The following UCKL1 variants were observed in gnomAD, a reference collection of about 807,000 sequenced individuals.
The protein encoded by UCKL1 is uridine-cytidine kinase-like 1.
In UCKL1, 65 loss-of-function variants were observed where a neutral mutation model predicts 59.2. The ratio of observed to expected loss-of-function variants is 1.10; its 90% CI spans 0.90 to 1.35. The LOEUF is 1.35. Ranked by LOEUF, UCKL1 falls within the 40% of genes most tolerant of loss-of-function variation. The pLI is 0.00. For synonymous variants in UCKL1, 410 were observed against 323.1 expected (o/e 1.27, Z -2.88); for missense variants, 703 against 784.3 (o/e 0.90, Z 1.24).
chr20:63,941,030 T>C lies in UCKL1; in HGVS notation c.1036A>G (p.Ser346Gly), dbSNP rs1207706064. The change falls in exon 10 of 15, where the codon AGT (serine) becomes GGT (glycine). Residue 346 changes from serine (S) to glycine (G), a missense_variant. By Grantham distance (56) the Ser-to-Gly change is moderately conservative. Transcript: ENST00000354216. ...GAGTAGAAGATGAACTCGTCGCGACTGGTCTCCTTGTCCCTGTGGGGCCAA... is the reference window on the plus strand; with the variant it reads ...GAGTAGAAGATGAACTCGTCGCGACCGGTCTCCTTGTCCCTGTGGGGCCAA... Reference protein sequence around the residue: ...MHTIIRDKETSRDEFIFYSKR... With the variant: ...MHTIIRDKETGRDEFIFYSKR... The C allele has an allele frequency of 9.5e-6, 15 of 1,571,130 alleles. No individual in the cohort carries two copies. The highest frequency in any genetic ancestry group is 1.4e-5 in the African/African-American group (1 of 73,044).
chr20:63,953,277 G>T (rs1319353503), intron 1 of UCKL1: 3 of 152,364 alleles, frequency 2.0e-5, no homozygotes, highest in Non-Finnish European at 4.4e-5. Context: ...TACTTGGGAG[G>T]CTGAGGCAGG....
Position 63,946,290 on chromosome 20 carries a change from T to G in UCKL1, c.305-23A>C, listed in dbSNP as rs770006478. ...AGCCTGCCGGCGGGAGTGGAGACCCTCTGTGAGGAACAGGCAGGCTGCCGG... is the reference window on the plus strand; with the variant it reads ...AGCCTGCCGGCGGGAGTGGAGACCCGCTGTGAGGAACAGGCAGGCTGCCGG... On this transcript the variant is annotated intron_variant, in intron 2 of 14. Coordinates refer to ENST00000354216, the MANE Select transcript of UCKL1 (RefSeq NM_017859.4). The G allele has an allele frequency of 1.9e-6, 3 of 1,568,042 alleles. No individual in the cohort carries two copies. The East Asian group carries it at 7.2e-5, about 37-fold the overall frequency.
At chr20:63,948,482 G>A (rs532476835) in intron 1 of UCKL1, 4 of 150,110 alleles carry the variant, frequency 2.7e-5, no homozygotes, top group Non-Finnish European at 5.9e-5. Context: ...CAAGCTGGAA[G>A]GAGAGATGAT....
chr20:63,942,838 GGA>G, intron 8 of UCKL1: 1 of 414,984 alleles, frequency 2.4e-6, no homozygotes, highest in Non-Finnish European at 5.1e-6. Flanking sequence ...GAACCTGACG[GGA>G]CAAGACCTGC....
rs769082828 is a variant in UCKL1 at position 63,940,070 on chromosome 20, G to A, written c.1568-15C>T. On this transcript the variant is annotated splice_polypyrimidine_tract_variant and intron_variant, in intron 14 of 14. Transcript: ENST00000354216. ...GCCAAAGTTCCCTGGAAAAAGGGGG[G>A]GGGGGGTCCAGTGTGGTGGGGCCTC... 4.3e-6 allele frequency: 7 copies of A among 1,609,668 alleles called. No homozygotes were observed. In the African/African-American group the frequency reaches 5.3e-5, roughly 12 times the overall value.
Position 63,945,617 on chromosome 20 carries a change from ACCAGCGGGGTGGGTATT to A in UCKL1, c.654+17_654+33del. The A allele has an allele frequency of 1.2e-6, 2 of 1,609,384 alleles. No individual in the cohort carries two copies. Among genetic ancestry groups the A allele is most frequent in the Non-Finnish European group, 1.7e-6 (2 of 1,177,246 alleles). On this transcript the variant is annotated intron_variant, in intron 5 of 14. Coordinates refer to ENST00000354216, the MANE Select transcript of UCKL1 (RefSeq NM_017859.4). Reference sequence around the variant, plus strand: ...TGGACAGGGCGGCCAGGGCTGAGATACCAGCGGGGTGGGTATTCCCGGCGGGTGCTTACCTCCAACAG... The same window carrying A: ...TGGACAGGGCGGCCAGGGCTGAGATACCCGGCGGGTGCTTACCTCCAACAG...
rs544531015 is a variant in UCKL1 at position 63,949,677 on chromosome 20, C to A, written c.114-3034G>T. On this transcript the variant is annotated intron_variant, in intron 1 of 14. Transcript: ENST00000354216. ...AGGCCGTGGTGGGCAGAGAACAAATCCAGGCGGCCCCTCCCCTCTATGCCT... is the reference window on the plus strand; with the variant it reads ...AGGCCGTGGTGGGCAGAGAACAAATACAGGCGGCCCCTCCCCTCTATGCCT... Among the ~76,000 whole-genome samples the A allele has an allele frequency of 6.0e-4, 92 of 152,326 alleles. 3 individuals are homozygous for A. The highest frequency in any genetic ancestry group is 5.2e-3 in the Admixed American group (79 of 15,300).
intron 7 of UCKL1, 71 bp from the exon 8 acceptor site, chr20:63,943,740 C>G: frequency 6.2e-7 from 1 of 1,607,076 alleles, no homozygotes; most frequent in Non-Finnish European, 8.5e-7. Flanking sequence ...GGCCAGGCCA[C>G]CCCCACCCAG....
At chr20:63,944,483 G>A in intron 6 of UCKL1, 25 bp from the exon 7 acceptor site, 1 of 1,577,986 alleles carries the variant, frequency 6.3e-7, no homozygotes, top group South Asian at 1.1e-5. Context: ...GGGGGCGGGT[G>A]ACCGGGGGCT....
rs1006744270 is a variant in UCKL1, at chr20:63,945,511, T to C, written c.654+140A>G. On this transcript the variant is annotated intron_variant, in intron 5 of 14. Coordinates refer to ENST00000354216, the MANE Select transcript of UCKL1 (RefSeq NM_017859.4). The stretch of plus-strand genomic sequence containing the variant: ...GACCCAGCTGTGGCATGCCTGGGGT[T>C]GGGGTTGGGGTAGGGAGTGGCTGGC... The C allele has an allele frequency of 5.5e-5, 45 of 817,560 alleles. No individual in the cohort carries two copies. The African/African-American group carries it at 6.9e-4, about 13-fold the overall frequency. 50.6% of individuals were successfully genotyped at this position (817,560 alleles called of 1,614,324 possible). A position where few individuals can be genotyped will look rare whatever the true frequency, so the allele number is the denominator to read the frequency against.
intron 1 of UCKL1, 136 bp downstream of exon 1, chr20:63,956,124 A>C: frequency 1.8e-5 from 15 of 826,634 alleles, no homozygotes; most frequent in East Asian, 7.1e-5. Context: ...GGCACGTGGG[A>C]GAACGGGGCG....
chr20:63,946,492 T>C lies in UCKL1; in HGVS notation c.265A>G (p.Asn89Asp), dbSNP rs896328502. Residue 89 changes from asparagine (N) to aspartate (D), a missense_variant, in exon 2 of 15, where the codon AAT (asparagine) becomes GAT (aspartate). By Grantham distance (23) the Asn-to-Asp change is conservative. This residue lies in a region of UCKL1 where 398 missense variants were observed against 373.0 expected (regional missense o/e 1.07). Transcript: ENST00000354216. The part of the protein sequence containing the change: ...IYTAGRPPWY[N>D]EHGTQSKEAF... ...TCTTTGGATTGCGTGCCGTGTTCAT[T>C]GTACCAGGGCGGCCGCCCGGCGGTG... The C allele has an allele frequency of 1.3e-6, 2 of 1,583,348 alleles. No individual in the cohort carries two copies. The highest frequency in any genetic ancestry group is 1.3e-5 in the African/African-American group (1 of 74,386).
At chr20:63,950,887 GGGCTCA>G (rs1328041396) in intron 1 of UCKL1, 5 of 1,434,686 alleles carry the variant, frequency 3.5e-6, no homozygotes, top group Admixed American at 2.9e-5. Flanking sequence ...GGATGCGTGG[GGGCTCA>G]GGCGCAGGCA....
At chr20:63,956,097 C>T (rs1389600695) in intron 1 of UCKL1, 163 bp downstream of exon 1, 5 of 650,776 alleles carry the variant, frequency 7.7e-6, no homozygotes, top group Admixed American at 4.4e-5. Flanking sequence ...CCGCTTCAAG[C>T]CCGCGGGGTT....
At chr20:63,947,015 T>C (rs1056923902) in intron 1 of UCKL1, among the ~76,000 whole-genome samples, 2 of 145,982 alleles carry the variant, frequency 1.4e-5, no homozygotes, top group African/African-American at 2.5e-5. Flanking sequence ...ACCCGGGAGG[T>C]GGAGATTGCA....
chr20:63,948,747 C>T (rs1038957091), intron 1 of UCKL1, among the ~76,000 whole-genome samples: 1 of 149,226 alleles, frequency 6.7e-6, no homozygotes, highest in Non-Finnish European at 1.5e-5. Flanking sequence ...CACACACCAG[C>T]CCTAACCATG....
In UCKL1 at chr20:63,946,436, C is replaced by T. The variant is rs1239984731; in HGVS notation, c.304+17G>A. Reference sequence around the variant, plus strand: ...GCAGGCGTCCGGCAGCAGGTCCCACCCCCCCGCTGCTCTCACCGATGGCGA... The same window carrying T: ...GCAGGCGTCCGGCAGCAGGTCCCACTCCCCCGCTGCTCTCACCGATGGCGA... On this transcript the variant is annotated intron_variant, in intron 2 of 14. Transcript: ENST00000354216. The T allele has an allele frequency of 1.3e-6, 2 of 1,532,772 alleles. No individual in the cohort carries two copies. The highest frequency in any genetic ancestry group is 2.0e-5 in the Admixed American group (1 of 50,656). The allele number at this position is 1,532,772 out of a possible 1,614,324, so 94.9% of individuals were successfully genotyped here. A position where few individuals can be genotyped will look rare whatever the true frequency, so the allele number is the denominator to read the frequency against.
At chr20:63,941,656 C>G (rs1257644087) in intron 8 of UCKL1, 1 of 217,626 alleles carries the variant, frequency 4.6e-6, no homozygotes, top group Non-Finnish European at 1.0e-5. Flanking sequence ...AGGTGGTGCG[C>G]GGCCCCTCAA....
intron 1 of UCKL1, among the ~76,000 whole-genome samples, chr20:63,952,802 G>C (rs976803013): frequency 6.6e-6 from 1 of 152,140 alleles, no homozygotes; most frequent in Non-Finnish European, 1.5e-5. Context: ...CAGCACAGTC[G>C]AATGTGGCTC....
Sources: gnomAD v4.1 joint callset for allele counts (sites outside exome capture counted in the v4.1 genomes callset) on GRCh38, gnomAD v4.1.1 for gene constraint, gnomAD v4.1.1 regional missense constraint, MANE v1.5 for transcripts, NCBI Gene and HGNC (gene_info 2026-07-23, HGNC 2026-07-21) for gene names.